The following SYT14 variants were observed in gnomAD, a reference collection of about 807,000 sequenced individuals.
The protein encoded by SYT14 is synaptotagmin-14.
A neutral mutation model predicts 74.2 loss-of-function variants in SYT14; 32 were observed. That is an observed-to-expected ratio of 0.43 (90% CI 0.33 to 0.58). The LOEUF (loss-of-function observed/expected upper bound fraction) is 0.58. Among genes scored for constraint, SYT14 ranks in the 20% least tolerant of loss-of-function variants. SYT14 has a pLI of 0.05. For synonymous variants in SYT14, 298 were observed against 337.7 expected (o/e 0.88, Z 1.29); for missense variants, 791 against 981.8 (o/e 0.81, Z 2.60).
At chr1:210,011,352 T>C (rs1355132294) in intron 2 of SYT14, among the ~76,000 whole-genome samples, 1 of 152,200 alleles carries the variant, frequency 6.6e-6, no homozygotes, top group African/African-American at 2.4e-5. Context: ...TTTATTAAAA[T>C]CATTTTCTTC....
chr1:209,972,532 T>A (rs1390656199), intron 2 of SYT14, among the ~76,000 whole-genome samples: 3 of 152,114 alleles, frequency 2.0e-5, no homozygotes, highest in African/African-American at 7.2e-5. Context: ...TCCCAAAGAT[T>A]TTTGTATGTT....
exon 10 of SYT14, chr1:210,168,324 T>G (rs547347691): frequency 3.3e-4 from 50 of 152,224 alleles, no homozygotes; most frequent in Non-Finnish European, 5.9e-4. Flanking sequence ...GTCTGTGTTA[T>G]AAATTGTCTT....
chr1:210,108,365 A>G (rs2082197246), intron 7 of SYT14, among the ~76,000 whole-genome samples: 2 of 152,226 alleles, frequency 1.3e-5, no homozygotes. Context: ...TGATGATGGA[A>G]AGAATAATCT....
intron 5 of SYT14, among the ~76,000 whole-genome samples, chr1:210,037,543 T>A (rs1212535601): frequency 1.1e-4 from 16 of 142,596 alleles, no homozygotes; most frequent in Non-Finnish European, 1.8e-4. Context: ...TTTTTTTTTT[T>A]ATTGTTGTTG....
At chr1:209,957,482 AATGGCGTG>A (rs1386273477) in intron 2 of SYT14, among the ~76,000 whole-genome samples, 7 of 151,794 alleles carry the variant, frequency 4.6e-5, no homozygotes, top group Non-Finnish European at 1.0e-4. Context: ...GCTGGAGTGC[AATGGCGTG>A]ATCTCGGCTC....
intron 5 of SYT14, among the ~76,000 whole-genome samples, chr1:210,061,843 A>G (rs538983338): frequency 6.6e-6 from 1 of 151,926 alleles, no homozygotes; most frequent in South Asian, 2.1e-4. Flanking sequence ...CATATAATCT[A>G]TTGTTATATT....
chr1:209,944,197 AAG>A (rs1558083749), intron 1 of SYT14, among the ~76,000 whole-genome samples: 1 of 152,228 alleles, frequency 6.6e-6, no homozygotes, highest in Non-Finnish European at 1.5e-5. Context: ...AAGTAAAAAA[AAG>A]GTTTTGTTTT....
At chr1:210,046,422 ATT>A (rs61053874) in intron 5 of SYT14, among the ~76,000 whole-genome samples, 85,184 of 150,778 alleles carry the variant, frequency 0.56, 25,787 homozygotes, top group African/African-American at 0.8. Flanking sequence ...CAAGTCAATG[ATT>A]TTTTTTTTTG....
chr1:210,167,528 A>AT (rs1273114129), exon 10 of SYT14: 3 of 152,134 alleles, frequency 2.0e-5, no homozygotes, highest in Non-Finnish European at 4.4e-5. Flanking sequence ...CTCTGATGTA[A>AT]TATTTTGTAT....
intron 5 of SYT14, among the ~76,000 whole-genome samples, chr1:210,078,634 C>T (rs1314403298): frequency 2.0e-5 from 3 of 151,864 alleles, no homozygotes; most frequent in South Asian, 4.1e-4. Context: ...CTAGAGTGTA[C>T]ATTGAAGGAC....
intron 5 of SYT14, among the ~76,000 whole-genome samples, chr1:210,091,710 G>A (rs969948820): frequency 1.3e-5 from 2 of 152,070 alleles, no homozygotes; most frequent in African/African-American, 4.8e-5. Flanking sequence ...CCTCCCTCCT[G>A]GATCCTACAT....
intron 2 of SYT14, among the ~76,000 whole-genome samples, chr1:209,989,881 T>C (rs966600542): frequency 9.2e-5 from 14 of 151,982 alleles, no homozygotes; most frequent in Non-Finnish European, 2.1e-4. Flanking sequence ...TTATTTAAAC[T>C]CTAAGATATA....
intron 2 of SYT14, among the ~76,000 whole-genome samples, chr1:209,995,135 A>G (rs2079764957): frequency 6.6e-6 from 1 of 152,204 alleles, no homozygotes; most frequent in African/African-American, 2.4e-5. Flanking sequence ...TGAAAATCAT[A>G]CATATCAATA....
chr1:210,073,028 CT>C (rs2081423636), intron 5 of SYT14, among the ~76,000 whole-genome samples: 4 of 145,104 alleles, frequency 2.8e-5, no homozygotes, highest in Non-Finnish European at 4.5e-5. Context: ...AAAAAAAAAT[CT>C]TGTATTGCAT....
chr1:209,973,561 A>C (rs2079297823), intron 2 of SYT14, among the ~76,000 whole-genome samples: 1 of 152,216 alleles, frequency 6.6e-6, no homozygotes, highest in Non-Finnish European at 1.5e-5. Context: ...TTATGGCTGC[A>C]TAGTATTCCA....
At chr1:210,021,967 C>T (rs2080312651) in intron 5 of SYT14, among the ~76,000 whole-genome samples, 1 of 152,002 alleles carries the variant, frequency 6.6e-6, no homozygotes, top group Non-Finnish European at 1.5e-5. Flanking sequence ...ACAGATTTTG[C>T]CATTAATTAA....
intron 2 of SYT14, among the ~76,000 whole-genome samples, chr1:210,000,024 T>C (rs2079865322): frequency 6.6e-6 from 1 of 152,286 alleles, no homozygotes; most frequent in South Asian, 2.1e-4. Context: ...CCCATGAATA[T>C]GTGCAAAAAT....
intron 7 of SYT14, among the ~76,000 whole-genome samples, chr1:210,154,459 A>G (rs1391256333): frequency 6.6e-6 from 1 of 152,130 alleles, no homozygotes; most frequent in African/African-American, 2.4e-5. Context: ...AAGGTTGGAG[A>G]TCGCTGGTAT....
chr1:209,965,767 CTAAT>C (rs2102731289), intron 2 of SYT14: 1 of 376,978 alleles, frequency 2.7e-6, no homozygotes, highest in South Asian at 2.1e-5. Flanking sequence ...ATATGGATAT[CTAAT>C]TGTTTCAGCC....
Sources: gnomAD v4.1 joint callset for allele counts (sites outside exome capture counted in the v4.1 genomes callset) on GRCh38, gnomAD v4.1.1 for gene constraint, MANE v1.5 for transcripts, NCBI Gene and HGNC (gene_info 2026-07-23, HGNC 2026-07-21) for gene names.